RPS6KA2: variants seen among roughly 807,000 people sequenced by gnomAD.
RPS6KA2 encodes the protein ribosomal protein S6 kinase alpha-2.
In RPS6KA2, 42 loss-of-function variants were observed where a neutral mutation model predicts 91.8. The ratio of observed to expected loss-of-function variants is 0.46; its 90% confidence interval spans 0.36 to 0.59. The LOEUF (loss-of-function observed/expected upper bound fraction) is 0.59. Ranked by LOEUF, RPS6KA2 falls within the 20% of genes least tolerant of loss-of-function variation. The pLI is 0.00. For synonymous variants in RPS6KA2, 414 were observed against 393.6 expected, an observed-to-expected ratio of 1.05 and a Z score of -0.61; for missense variants, 798 against 978.5, an observed-to-expected ratio of 0.82 and a Z score of 2.46.
intron 1 of RPS6KA2, among the ~76,000 whole-genome samples, chr6:166,561,189 C>T (rs1784332467): frequency 6.6e-6 from 1 of 152,176 alleles, no homozygotes; most frequent in African/African-American, 2.4e-5. Context: ...CTACACACCT[C>T]ATTCAGGAGA....
intron 1 of RPS6KA2, among the ~76,000 whole-genome samples, chr6:166,599,774 C>T (rs368754379): frequency 6.6e-6 from 1 of 152,152 alleles, no homozygotes. Flanking sequence ...ATGTGAGGAT[C>T]GTGTTAAGTG....
chr6:166,423,529 C>T lies in RPS6KA2; in HGVS notation c.1582-112G>A. On this transcript the variant is annotated intron_variant, in intron 16 of 20. Coordinates refer to ENST00000265678, the MANE Select transcript of RPS6KA2 (RefSeq NM_021135.6). The surrounding 1 kb of genome is among the most constrained non-coding windows in gnomAD (Gnocchi z 4.8). ...TTTGGGAACTGTCTTCCTAGCAGGT[C>T]CTGCAAGCAGGCAACAGGCCAACAG... The T allele has an allele frequency of 9.4e-7, 1 of 1,067,836 alleles. No individual in the cohort carries two copies. Among genetic ancestry groups the T allele is most frequent in the Non-Finnish European group, 1.3e-6 (1 of 746,586 alleles). 66.1% of individuals were successfully genotyped at this position (1,067,836 alleles called of 1,614,324 possible). A position where few individuals can be genotyped will look rare whatever the true frequency, so the allele number is the denominator to read the frequency against.
At chr6:166,670,205 C>G (rs542372989) in intron 2 of RPS6KA2, among the ~76,000 whole-genome samples, 4 of 152,378 alleles carry the variant, frequency 2.6e-5, no homozygotes, top group Non-Finnish European at 4.4e-5. Context: ...GAAAATCACA[C>G]TCATCCTTCA....
At chr6:166,681,340 G>A (rs191357568) in intron 2 of RPS6KA2, among the ~76,000 whole-genome samples, 31 of 152,212 alleles carry the variant, frequency 2.0e-4, no homozygotes, top group East Asian at 1.7e-3. Flanking sequence ...AGAAAAATAC[G>A]AGGCATAGCC....
At chr6:166,510,424 G>T in intron 3 of RPS6KA2, 67 bp from the exon 4 acceptor site, 1 of 996,708 alleles carries the variant, frequency 1.0e-6, no homozygotes, top group East Asian at 2.6e-5. Context: ...CACTGAACAT[G>T]AAATACTAGA....
chr6:166,668,187 T>C (rs1254468993), intron 2 of RPS6KA2, among the ~76,000 whole-genome samples: 5 of 152,078 alleles, frequency 3.3e-5, no homozygotes, highest in Middle Eastern at 6.8e-3. Flanking sequence ...CCCTGAGCAT[T>C]TGGAGAAACT....
intron 2 of RPS6KA2, among the ~76,000 whole-genome samples, chr6:166,807,651 G>A (rs1779525530): frequency 6.6e-6 from 1 of 151,898 alleles, no homozygotes; most frequent in Non-Finnish European, 1.5e-5. Context: ...CCTCTCCCCT[G>A]CTGTTCTCCC....
chr6:166,757,062 T>A (rs1203489906), intron 2 of RPS6KA2, among the ~76,000 whole-genome samples: 1 of 152,038 alleles, frequency 6.6e-6, no homozygotes, highest in Non-Finnish European at 1.5e-5. Flanking sequence ...TACGCACATT[T>A]CACCATCACA....
intron 2 of RPS6KA2, among the ~76,000 whole-genome samples, chr6:166,677,072 G>A (rs1788640705): frequency 6.6e-6 from 1 of 152,114 alleles, no homozygotes; most frequent in Admixed American, 6.5e-5. Flanking sequence ...CCAAATTTAG[G>A]TGAATTTATA....
Position 166,662,861 on chromosome 6 carries a change from C to T in RPS6KA2, c.124-124077G>A, listed in dbSNP as rs1159902248. Among the ~76,000 whole-genome samples, 2 of 152,150 alleles carry T rather than the reference C, an allele frequency of 1.3e-5. No homozygotes were observed. The highest frequency in any genetic ancestry group is 2.4e-5 in the African/African-American group (1 of 41,416). On this transcript the variant is annotated intron_variant, in intron 2 of 21. Transcript: ENST00000503859. The surrounding 1 kb of genome is among the most constrained non-coding windows in gnomAD (Gnocchi z 4.3). ...GCCTCGGAGTGGGTGCTTATCCGCT[C>T]TGACTGCTGTCCTTAGAAGAAGAGG...
chr6:166,862,713 G>GGT, upstream of RPS6KA2: 1 of 151,822 alleles, frequency 6.6e-6, no homozygotes, highest in South Asian at 2.1e-4. Context: ...CGGGGGGGGG[G>GGT]GGCGGCAGGT....
chr6:166,429,351 T>C (rs1319552480), intron 16 of RPS6KA2, among the ~76,000 whole-genome samples: 3 of 150,856 alleles, frequency 2.0e-5, no homozygotes, highest in Non-Finnish European at 4.4e-5. Context: ...GACGAGTTAA[T>C]GGGTGCAGCA....
chr6:166,521,468 T>C (rs917921591), intron 3 of RPS6KA2, among the ~76,000 whole-genome samples: 1 of 152,248 alleles, frequency 6.6e-6, no homozygotes, highest in African/African-American at 2.4e-5. Flanking sequence ...ATTTTCTCTG[T>C]TGGGTTTTAG....
rs767609461 is a variant in RPS6KA2, at chr6:166,770,937, G to T, written c.123+87263C>A. On this transcript the variant is annotated intron_variant, in intron 2 of 21. Transcript: ENST00000503859. The surrounding 1 kb of genome is among the most constrained non-coding windows in gnomAD (Gnocchi z 5.1). The stretch of plus-strand genomic sequence containing the variant: ...CCCTGTGAAAATGGAAACGAAGAAA[G>T]AATTCCTTTAAGTCACAGGACGTAT... 3 of 1,591,836 alleles carry T rather than the reference G, an allele frequency of 1.9e-6. No individual in the cohort carries two copies. The highest frequency in any genetic ancestry group is 2.5e-6 in the Non-Finnish European group (3 of 1,177,912).
intron 2 of RPS6KA2, among the ~76,000 whole-genome samples, chr6:166,649,578 G>T (rs996589504): frequency 4.6e-5 from 7 of 152,134 alleles, no homozygotes; most frequent in African/African-American, 1.7e-4. Context: ...GAGGCCAATG[G>T]TCTTTTAGGG....
At chr6:166,415,611 C>G in intron 19 of RPS6KA2, among the ~76,000 whole-genome samples, 1 of 152,102 alleles carries the variant, frequency 6.6e-6, no homozygotes, top group South Asian at 2.1e-4. Flanking sequence ...TGCTCCTTTT[C>G]CAACACCTTC....
intron 1 of RPS6KA2, among the ~76,000 whole-genome samples, chr6:166,543,604 C>T (rs1468241079): frequency 6.6e-6 from 1 of 152,304 alleles, no homozygotes; most frequent in Non-Finnish European, 1.5e-5. Flanking sequence ...CCACCTCCCC[C>T]TCTTTCTGTG....
At chr6:166,502,389 A>G (rs1782056659) in intron 6 of RPS6KA2, among the ~76,000 whole-genome samples, 1 of 152,244 alleles carries the variant, frequency 6.6e-6, no homozygotes, top group African/African-American at 2.4e-5. Context: ...AGAATTAAGC[A>G]CCTTTCAAGA....
chr6:166,457,529 G>A (rs1780142110), intron 12 of RPS6KA2, among the ~76,000 whole-genome samples: 2 of 152,168 alleles, frequency 1.3e-5, no homozygotes, highest in African/African-American at 4.8e-5. Context: ...AATCAGTGAT[G>A]AACCAAAGCT....
Sources: allele counts gnomAD v4.1 joint callset (sites outside exome capture counted in the v4.1 genomes callset), GRCh38; gene constraint gnomAD v4.1.1; non-coding constraint Gnocchi (gnomAD v3.1); transcripts MANE v1.5; gene names NCBI Gene and HGNC (gene_info 2026-07-23, HGNC 2026-07-21).